The following ABCA4 variants were observed in gnomAD, a reference collection of about 807,000 sequenced individuals.
ABCA4 encodes the protein retinal-specific phospholipid-transporting ATPase ABCA4.
A neutral mutation model predicts 263.7 loss-of-function variants in ABCA4; 196 were observed. That is an observed-to-expected ratio of 0.74 (90% CI 0.66 to 0.84). The LOEUF (loss-of-function observed/expected upper bound fraction) is 0.84, where lower values mean the gene tolerates loss of function less well. Among genes scored for constraint, ABCA4 ranks in the 40% least tolerant of loss-of-function variants. The pLI, the probability that ABCA4 is intolerant of heterozygous loss-of-function variation, is 0.00. For missense variants in ABCA4, 2,792 were observed against 2,855.1 expected, an observed-to-expected ratio of 0.98 and a Z score of 0.50; for synonymous variants, 1,133 against 1,094.2, an observed-to-expected ratio of 1.04 and a Z score of -0.70.
chr1:94,001,184 C>T (rs1429194711), intron 45 of ABCA4, 79 bp from the exon 46 acceptor site: 3 of 1,197,258 alleles, frequency 2.5e-6, no homozygotes, highest in Non-Finnish European at 3.7e-6. Flanking sequence ...GGCTGGCTCC[C>T]CTGTGGAGGA....
intron 14 of ABCA4, chr1:94,059,614 A>G (rs1436139763): frequency 6.6e-6 from 1 of 152,214 alleles, no homozygotes; most frequent in Non-Finnish European, 1.5e-5. Flanking sequence ...ACACTCAGCC[A>G]GTCTGTGGTC....
intron 14 of ABCA4, among the ~76,000 whole-genome samples, chr1:94,058,425 G>A (rs1351159556): frequency 6.6e-6 from 1 of 152,148 alleles, no homozygotes; most frequent in African/African-American, 2.4e-5. Flanking sequence ...GCAGTGATAT[G>A]ATATCAGCTC....
At position 94,025,002 on chromosome 1, in the gene ABCA4, T is replaced by G. The variant is rs1285652480; in HGVS notation, c.4586A>C (p.Asn1529Thr). 6.2e-7 allele frequency: 1 copy of G among 1,614,210 alleles called. No individual in the cohort carries two copies. Among genetic ancestry groups the G allele is most frequent in the Admixed American group, 1.7e-5 (1 of 60,032 alleles). The change falls in exon 31 of 50, where the codon AAC (asparagine) becomes ACC (threonine). Residue 1529 changes from asparagine to threonine, a missense_variant. Asn to Thr is a moderately conservative substitution (Grantham distance 65, BLOSUM62 0). Transcript: ENST00000370225. ...CGTTTTTACCAAGAAGTCGGAGATG[T>G]TCCTGTCCGTCAGGTCTTGTAGAAT... is the stretch of plus-strand genomic sequence containing the variant. Reference protein sequence around the residue: ...TEILQDLTDRNISDFLVKTYP... With the variant: ...TEILQDLTDRTISDFLVKTYP...
intron 16 of ABCA4, 99 bp from the exon 17 acceptor site, chr1:94,051,797 A>T: frequency 1.1e-6 from 1 of 880,026 alleles, no homozygotes; most frequent in South Asian, 1.4e-5. Context: ...CCTGAACCTC[A>T]AATTGTAACT....
Position 94,001,856 on chromosome 1 carries a change from ACC to A in ABCA4, c.6282_6282+1del. The A allele has an allele frequency of 6.2e-7, 1 of 1,614,234 alleles. No individual in the cohort carries two copies. Among genetic ancestry groups the A allele is most frequent in the Non-Finnish European group, 8.5e-7 (1 of 1,180,032 alleles). ...CTTGGTGCGGCCCAAGCCCGCAGTT[ACC>A]AGCAGCACCAGCGGTGGGCAGCCAA... is the stretch of plus-strand genomic sequence containing the variant. On this transcript the variant is annotated splice_donor_variant and coding_sequence_variant, in exon 45 of 50. Coordinates refer to ENST00000370225, the MANE Select transcript of ABCA4 (RefSeq NM_000350.3). LOFTEE classifies it high-confidence loss of function.
At chr1:94,024,508 C>G (rs1418546481) in intron 31 of ABCA4, among the ~76,000 whole-genome samples, 1 of 152,218 alleles carries the variant, frequency 6.6e-6, no homozygotes, top group East Asian at 1.9e-4. Context: ...CCCGCTGCCT[C>G]TTTCCCACCC....
At chr1:94,064,046 T>G (rs1261479799) in intron 11 of ABCA4, among the ~76,000 whole-genome samples, 2 of 152,366 alleles carry the variant, frequency 1.3e-5, no homozygotes, top group East Asian at 3.9e-4. Context: ...TATTGCTATT[T>G]GCATCTATTT....
chr1:94,035,415 G>A (rs766946078), intron 26 of ABCA4, among the ~76,000 whole-genome samples: 1 of 152,196 alleles, frequency 6.6e-6, no homozygotes, highest in Non-Finnish European at 1.5e-5. Flanking sequence ...ACTGTGCCAG[G>A]ACGACTACAT....
At chr1:94,102,526 ACT>A (rs1662310679) in intron 5 of ABCA4, among the ~76,000 whole-genome samples, 1 of 150,650 alleles carries the variant, frequency 6.6e-6, no homozygotes, top group Admixed American at 6.6e-5. Context: ...CTAACCCTCG[ACT>A]CTACCGGATT....
intron 40 of ABCA4, among the ~76,000 whole-genome samples, chr1:94,010,364 C>A (rs1649492976): frequency 6.6e-6 from 1 of 152,186 alleles, no homozygotes; most frequent in Admixed American, 6.5e-5. Context: ...ACTGCCCGCA[C>A]CCCTCCACAT....
intron 42 of ABCA4, 56 bp from the exon 43 acceptor site, chr1:94,007,796 C>G: frequency 6.6e-7 from 1 of 1,507,182 alleles, no homozygotes; most frequent in Non-Finnish European, 9.2e-7. Flanking sequence ...TCTAAAATGT[C>G]AGGCCCCAGG....
intron 26 of ABCA4, among the ~76,000 whole-genome samples, chr1:94,035,590 GA>G (rs1660314655): frequency 1.3e-5 from 2 of 152,200 alleles, no homozygotes; most frequent in South Asian, 4.1e-4. Flanking sequence ...ACATAGAAAG[GA>G]AACACTCCAA....
In ABCA4 at chr1:94,021,027, A is replaced by C. The variant is rs1378250332; in HGVS notation, c.5018+213T>G. 3.3e-5 allele frequency among the ~76,000 whole-genome samples: 5 copies of C among 152,282 alleles called. No homozygotes were observed. The East Asian group carries it at 9.6e-4, about 29-fold the overall frequency. On this transcript the variant is annotated intron_variant, in intron 35 of 49. Coordinates refer to ENST00000370225, the MANE Select transcript of ABCA4 (RefSeq NM_000350.3). ...AGGGAATGGAACCAAATGTAAACTT[A>C]CTTGCCACATAAATGTTGGGGAGAA... is the stretch of plus-strand genomic sequence containing the variant.
intron 15 of ABCA4, 107 bp from the exon 16 acceptor site, chr1:94,055,422 T>TCTGGG: frequency 9.0e-7 from 1 of 1,112,722 alleles, no homozygotes; most frequent in Non-Finnish European, 1.3e-6. Flanking sequence ...AGGGTCCCCA[T>TCTGGG]TGTCTCTCAG....
chr1:94,114,488 C>CTT (rs11419879), intron 1 of ABCA4, among the ~76,000 whole-genome samples: 5 of 149,816 alleles, frequency 3.3e-5, no homozygotes, highest in African/African-American at 4.9e-5. Context: ...CCGTGAGGCA[C>CTT]TTTTTTTTTT....
chr1:94,028,282 G>A (rs1660090510), intron 30 of ABCA4, among the ~76,000 whole-genome samples: 1 of 152,166 alleles, frequency 6.6e-6, no homozygotes, highest in African/African-American at 2.4e-5. Flanking sequence ...CAGCTGGGAG[G>A]CCCATTATCA....
At chr1:94,120,920 ACTT>A in intron 1 of ABCA4, 57 bp downstream of exon 1, 1 of 440,372 alleles carries the variant, frequency 2.3e-6, no homozygotes, top group Non-Finnish European at 3.6e-6. Flanking sequence ...CCCACCCCAC[ACTT>A]CCAACCTGTT....
chr1:94,079,272 C>CAG (rs753039319), intron 9 of ABCA4, 50 bp downstream of exon 9: 4 of 1,610,506 alleles, frequency 2.5e-6, no homozygotes, highest in Non-Finnish European at 2.5e-6. Context: ...CACACACACA[C>CAG]ACTTCTGGGA....
At chr1:94,015,334 G>A (rs1182003478) in intron 37 of ABCA4, among the ~76,000 whole-genome samples, 2 of 152,182 alleles carry the variant, frequency 1.3e-5, no homozygotes, top group East Asian at 3.9e-4. Flanking sequence ...TTTTTGGCCG[G>A]AGTCTTCTAC....
Sources: allele counts gnomAD v4.1 joint callset (sites outside exome capture counted in the v4.1 genomes callset), GRCh38; gene constraint gnomAD v4.1.1; transcripts MANE v1.5; gene names NCBI Gene and HGNC (gene_info 2026-07-23, HGNC 2026-07-21).